Variants in AAGAB observed in about 807,000 individuals in gnomAD.
AAGAB encodes the protein alpha and gamma adaptin binding protein.
Under a neutral mutation model 44.1 loss-of-function variants are expected in AAGAB, and 38 were observed. The observed-to-expected ratio is 0.86, with a 90% CI of 0.67 to 1.13. The LOEUF (loss-of-function observed/expected upper bound fraction) is 1.13, where lower values mean the gene tolerates loss of function less well. Ranked by LOEUF, AAGAB falls within the 50% of genes most tolerant of loss-of-function variation. The probability of loss-of-function intolerance (pLI) is 0.00; values close to 1 mark genes in which losing one functional copy is unlikely to be tolerated. For synonymous variants in AAGAB, 131 were observed against 131.8 expected (o/e 0.99, Z 0.04); for missense variants, 450 against 373.8 (o/e 1.20, Z -1.68).
intron 1 of AAGAB, chr15:67,254,234 T>C: frequency 2.7e-6 from 1 of 364,872 alleles, no homozygotes. Flanking sequence ...CTTACACTCC[T>C]GTAACCTAGC....
At chr15:67,221,919 C>T (rs117428962) in intron 5 of AAGAB, among the ~76,000 whole-genome samples, 2,715 of 152,104 alleles carry the variant, frequency 0.018, 38 homozygotes, top group Non-Finnish European at 0.026. Context: ...AGGGTCATAC[C>T]CAGACCTTAT....
chr15:67,222,516 T>C (rs1964106769), intron 5 of AAGAB, among the ~76,000 whole-genome samples: 2 of 152,104 alleles, frequency 1.3e-5, no homozygotes, highest in Admixed American at 1.3e-4. Flanking sequence ...ATTTATGCAA[T>C]CAGAAGAAAC....
intron 6 of AAGAB, 24 bp downstream of exon 6, chr15:67,209,438 A>T: frequency 1.3e-6 from 2 of 1,595,106 alleles, no homozygotes; most frequent in Non-Finnish European, 1.7e-6. Context: ...AAAGAGGGAA[A>T]AAAGATCCAA....
intron 5 of AAGAB, among the ~76,000 whole-genome samples, chr15:67,212,981 G>T (rs1030583967): frequency 6.6e-6 from 1 of 152,168 alleles, no homozygotes; most frequent in Non-Finnish European, 1.5e-5. Context: ...TGCTGAAACT[G>T]GCTCTAGCAT....
At position 67,222,277 on chromosome 15, in the gene AAGAB, CACACA is replaced by C. The variant is rs1286900117; in HGVS notation, c.535+9532_535+9536del. On this transcript the variant is annotated intron_variant, in intron 5 of 9. Coordinates refer to ENST00000261880, the MANE Select transcript of AAGAB (RefSeq NM_024666.5). ...ACACACACACACACACACACACACA[CACACA>C]CCCTCCACCCATGCTGCCTGACTTT... 6.2e-4 allele frequency among the ~76,000 whole-genome samples: 94 copies of C among 151,012 alleles called. 1 individual carries two copies. Among genetic ancestry groups the C allele is most frequent in the Admixed American group, 4.3e-3 (65 of 15,120 alleles).
rs374842760 is a variant in AAGAB at position 67,245,790 on chromosome 15, C to T, written c.73+8769G>A. ...GAAGTTAACTTGTTTAAAGTCAGAT[C>T]GCTTAAAAAAGGATAGAATTCAGTA... On this transcript the variant is annotated intron_variant, in intron 1 of 9. Coordinates refer to ENST00000261880, the MANE Select transcript of AAGAB (RefSeq NM_024666.5). Among the ~76,000 whole-genome samples, 51 of 152,232 alleles carry T rather than the reference C, an allele frequency of 3.4e-4. No individual in the cohort carries two copies. In the South Asian group the frequency reaches 8.9e-3, roughly 27 times the overall value.
In AAGAB at chr15:67,236,036, T is replaced by C. The variant is rs7173826; in HGVS notation, c.394A>G (p.Ile132Val). The change falls in exon 4 of 10, where the codon ATC becomes GTC. Residue 132 changes from isoleucine to valine, a missense_variant. By Grantham distance (29) the Ile-to-Val change is conservative. Transcript: ENST00000261880. Reference protein sequence around the residue: ...INRQKAQEWCIKHGFELVELS... With the variant: ...INRQKAQEWCVKHGFELVELS... ...TCTACCAATTCAAAGCCATGTTTGA[T>C]GCACCATTCTTGAGCTTTTTGTCGG... is the stretch of plus-strand genomic sequence containing the variant. 3.7e-6 allele frequency: 6 copies of C among 1,612,818 alleles called. 1 individual carries two copies. Among genetic ancestry groups the C allele is most frequent in the Middle Eastern group, 1.6e-4 (1 of 6,076 alleles).
intron 1 of AAGAB, among the ~76,000 whole-genome samples, chr15:67,238,290 T>C (rs576795784): frequency 1.4e-4 from 21 of 152,340 alleles, no homozygotes; most frequent in African/African-American, 4.6e-4. Context: ...TCAGCAGTTC[T>C]TTCTACTTAA....
At chr15:67,233,434 T>G (rs12898685) in intron 4 of AAGAB, among the ~76,000 whole-genome samples, 1 of 151,982 alleles carries the variant, frequency 6.6e-6, no homozygotes. Flanking sequence ...ACAAAGGAAA[T>G]GGGGATCCTG....
chr15:67,236,090 T>C, intron 3 of AAGAB, 22 bp from the exon 4 acceptor site: 1 of 1,527,240 alleles, frequency 6.5e-7, no homozygotes, highest in East Asian at 2.3e-5. Flanking sequence ...TGCAAAAGAA[T>C]CTTCATAAGT....
At position 67,222,231 on chromosome 15, in the gene AAGAB, C is replaced by T. The variant is rs916701456; in HGVS notation, c.535+9583G>A. On this transcript the variant is annotated intron_variant, in intron 5 of 9. Coordinates refer to ENST00000261880, the MANE Select transcript of AAGAB (RefSeq NM_024666.5). ...TGATTACTACATGCATGCACGCGCA[C>T]GCGCGCGCGCGCACACACACACACA... 5.8e-3 allele frequency among the ~76,000 whole-genome samples: 474 copies of T among 81,038 alleles called. 5 individuals are homozygous for T. The highest frequency in any genetic ancestry group is 0.024 in the African/African-American group (463 of 18,914). The allele number at this position is 81,038 out of a possible 152,430, so 53.2% of individuals were successfully genotyped here.
chr15:67,244,333 ATAAG>A (rs1468485892), intron 1 of AAGAB, among the ~76,000 whole-genome samples: 3 of 152,208 alleles, frequency 2.0e-5, no homozygotes, highest in Admixed American at 6.5e-5. Context: ...AAAAACACTA[ATAAG>A]TAAGACATTA....
chr15:67,236,034 G>A lies in AAGAB; in HGVS notation c.396C>T (p.Ile132=). The A allele has an allele frequency of 6.2e-7, 1 of 1,613,478 alleles. No homozygotes were observed. The highest frequency in any genetic ancestry group is 8.5e-7 in the Non-Finnish European group (1 of 1,179,696). The part of the protein sequence containing the change: ...INRQKAQEWC[I]KHGFELVELS... ...GTTCTACCAATTCAAAGCCATGTTT[G>A]ATGCACCATTCTTGAGCTTTTTGTC... Residue 132 remains isoleucine, a synonymous_variant, in exon 4 of 10, where the codon ATC becomes ATT. Coordinates refer to ENST00000261880, the MANE Select transcript of AAGAB (RefSeq NM_024666.5).
At chr15:67,221,883 CTACAT>C (rs1235141560) in intron 5 of AAGAB, among the ~76,000 whole-genome samples, 1 of 152,142 alleles carries the variant, frequency 6.6e-6, no homozygotes, top group Non-Finnish European at 1.5e-5. Context: ...ATGTTGTCCT[CTACAT>C]TGCTGCAGCC....
intron 1 of AAGAB, among the ~76,000 whole-genome samples, chr15:67,238,416 G>GT (rs938229949): frequency 1.2e-4 from 18 of 152,222 alleles, no homozygotes; most frequent in African/African-American, 4.1e-4. Flanking sequence ...GGAGAAACAG[G>GT]TAAGTTATTA....
At position 67,202,791 on chromosome 15, in the gene AAGAB, CT is replaced by C. The variant is rs1252265975; in HGVS notation, c.*29del. ...GAGGTATCTCAGAGACAGCTAGCAT[CT>C]TTGTTGGTCAAACCCTAGTATGAAT... is the stretch of plus-strand genomic sequence containing the variant. On this transcript the variant is annotated 3_prime_UTR_variant, in exon 10 of 10. Coordinates refer to ENST00000261880, the MANE Select transcript of AAGAB (RefSeq NM_024666.5). 1.2e-6 allele frequency: 2 copies of C among 1,608,260 alleles called. No individual in the cohort carries two copies. The highest frequency in any genetic ancestry group is 2.2e-5 in the South Asian group (2 of 90,968).
intron 5 of AAGAB, among the ~76,000 whole-genome samples, chr15:67,226,033 GTTA>G (rs1964196333): frequency 6.6e-6 from 1 of 151,986 alleles, no homozygotes. Context: ...ACCAACATTT[GTTA>G]TTATCTTTCT....
Position 67,209,524 on chromosome 15 carries a change from G to A in AAGAB, c.556C>T (p.Leu186Phe). 6.2e-7 allele frequency: 1 copy of A among 1,614,066 alleles called. No individual in the cohort carries two copies. The highest frequency in any genetic ancestry group is 1.1e-5 in the South Asian group (1 of 91,080). ...MKNDRNQGFSLLNSLTGTNHS... is the reference protein window; with the variant it reads ...MKNDRNQGFSFLNSLTGTNHS... ...TTTGTTCCAGTCAATGAGTTGAGAAGGCTAAAGCCTTGGTTCCTATCTGAA... is the reference window on the plus strand; with the variant it reads ...TTTGTTCCAGTCAATGAGTTGAGAAAGCTAAAGCCTTGGTTCCTATCTGAA... The change falls in exon 6 of 10, where the codon CTT becomes TTT. Residue 186 changes from leucine to phenylalanine, a missense_variant. Coordinates refer to ENST00000261880, the MANE Select transcript of AAGAB (RefSeq NM_024666.5).
intron 1 of AAGAB, among the ~76,000 whole-genome samples, chr15:67,252,024 T>C (rs1964884165): frequency 6.6e-6 from 1 of 152,218 alleles, no homozygotes; most frequent in African/African-American, 2.4e-5. Context: ...CGAGTTGCAA[T>C]GGAAAGGTCA....
Sources: allele counts gnomAD v4.1 joint callset (sites outside exome capture counted in the v4.1 genomes callset), GRCh38; gene constraint gnomAD v4.1.1; transcripts MANE v1.5; gene names NCBI Gene and HGNC (gene_info 2026-07-23, HGNC 2026-07-21).